Variants in NOS1AP observed in about 807,000 individuals in gnomAD.
NOS1AP encodes carboxyl-terminal PDZ ligand of neuronal nitric oxide synthase protein.
NOS1AP carries 21 observed loss-of-function variants against 56.2 expected under a neutral mutation model. The observed-to-expected ratio is 0.37, with a 90% CI of 0.26 to 0.54. NOS1AP has a LOEUF of 0.54. NOS1AP is among the 20% of genes least tolerant of loss of function. The pLI is 0.84. For synonymous variants in NOS1AP, 270 were observed against 274.6 expected, an observed-to-expected ratio of 0.98 and a Z score of 0.17; for missense variants, 522 against 657.8, an observed-to-expected ratio of 0.79 and a Z score of 2.26.
chr1:162,132,643 A>C (rs1185597485), intron 1 of NOS1AP, among the ~76,000 whole-genome samples: 1 of 152,258 alleles, frequency 6.6e-6, no homozygotes, highest in African/African-American at 2.4e-5. Flanking sequence ...AGCAATATGG[A>C]AAGTAGTAGT....
intron 2 of NOS1AP, among the ~76,000 whole-genome samples, chr1:162,196,335 C>G (rs193172262): frequency 2.0e-5 from 3 of 152,304 alleles, no homozygotes; most frequent in Admixed American, 2.0e-4. Context: ...GTCTTCATTT[C>G]TTTGCTAGTT....
intron 2 of NOS1AP, among the ~76,000 whole-genome samples, chr1:162,185,958 G>A (rs1651419020): frequency 6.6e-6 from 1 of 152,130 alleles, no homozygotes; most frequent in South Asian, 2.1e-4. Context: ...TCCTAGAAGG[G>A]GCTAAGCCTG....
intron 4 of NOS1AP, among the ~76,000 whole-genome samples, chr1:162,329,000 G>A (rs944763054): frequency 7.2e-6 from 1 of 139,108 alleles, no homozygotes; most frequent in Non-Finnish European, 1.5e-5. Flanking sequence ...AGTTTGAGAA[G>A]GGGGGTATTG....
chr1:162,231,399 A>G (rs1027163106), intron 2 of NOS1AP, among the ~76,000 whole-genome samples: 1 of 152,142 alleles, frequency 6.6e-6, no homozygotes. Flanking sequence ...TATCAGATAC[A>G]TGATTTGGAA....
At chr1:162,282,680 G>A (rs1654967744) in intron 2 of NOS1AP, among the ~76,000 whole-genome samples, 1 of 152,192 alleles carries the variant, frequency 6.6e-6, no homozygotes, top group Non-Finnish European at 1.5e-5. Context: ...CGAGACTATA[G>A]ACAGAATATG....
chr1:162,289,290 C>T (rs1655206565), intron 3 of NOS1AP, among the ~76,000 whole-genome samples: 2 of 118,902 alleles, frequency 1.7e-5, no homozygotes, highest in South Asian at 2.8e-4. Flanking sequence ...TCCTTCCTTC[C>T]TTCTTCCTTC....
intron 2 of NOS1AP, among the ~76,000 whole-genome samples, chr1:162,179,131 G>A (rs1028735609): frequency 1.3e-5 from 2 of 152,006 alleles, no homozygotes; most frequent in African/African-American, 4.8e-5. Context: ...CTACCATTGT[G>A]TATCTCGTAG....
intron 2 of NOS1AP, among the ~76,000 whole-genome samples, chr1:162,158,441 C>A (rs144974259): frequency 2.4e-4 from 36 of 152,248 alleles, no homozygotes; most frequent in African/African-American, 7.7e-4. Flanking sequence ...GTGAATAGTG[C>A]TGCAATGAAC....
At chr1:162,140,304 C>G (rs1043919664) in intron 1 of NOS1AP, among the ~76,000 whole-genome samples, 12 of 152,098 alleles carry the variant, frequency 7.9e-5, no homozygotes, top group African/African-American at 2.7e-4. Flanking sequence ...TGGTCAATCT[C>G]TATATATATT....
At chr1:162,236,993 A>G (rs1653313113) in intron 2 of NOS1AP, among the ~76,000 whole-genome samples, 1 of 152,222 alleles carries the variant, frequency 6.6e-6, no homozygotes, top group African/African-American at 2.4e-5. Context: ...TGGAAACACA[A>G]TACGTGTATG....
chr1:162,070,039 G>A lies in NOS1AP; in HGVS notation c.-139G>A. The A allele has an allele frequency of 3.8e-6, 2 of 521,212 alleles. No individual in the cohort carries two copies. Among genetic ancestry groups the A allele is most frequent in the Non-Finnish European group, 6.5e-6 (2 of 309,042 alleles). The allele number at this position is 521,212 out of a possible 1,614,324, so 32.3% of individuals were successfully genotyped here. On this transcript the variant is annotated 5_prime_UTR_variant, in exon 1 of 10. Transcript: ENST00000361897. Reference sequence around the variant, plus strand: ...ACCGCTCCGGGTCCGGCCGCCGCGCGGCCAGGGCTCCCCCTGCCCAGCGCT... The same window carrying A: ...ACCGCTCCGGGTCCGGCCGCCGCGCAGCCAGGGCTCCCCCTGCCCAGCGCT...
chr1:162,186,874 T>A (rs1007270260), intron 2 of NOS1AP, among the ~76,000 whole-genome samples: 1 of 152,214 alleles, frequency 6.6e-6, no homozygotes, highest in African/African-American at 2.4e-5. Flanking sequence ...ATTTTCAGAT[T>A]GTAATTGTTG....
At chr1:162,106,673 A>C (rs1216592593) in intron 1 of NOS1AP, among the ~76,000 whole-genome samples, 1 of 152,276 alleles carries the variant, frequency 6.6e-6, no homozygotes, top group Non-Finnish European at 1.5e-5. Flanking sequence ...AGAGTAATGT[A>C]GATTACATCC....
At chr1:162,160,531 G>A (rs1305847434) in intron 2 of NOS1AP, among the ~76,000 whole-genome samples, 1 of 152,186 alleles carries the variant, frequency 6.6e-6, no homozygotes, top group East Asian at 1.9e-4. Flanking sequence ...CTGCACTTGT[G>A]TTTCCTTACC....
At chr1:162,089,960 ACT>A (rs1431147949) in intron 1 of NOS1AP, among the ~76,000 whole-genome samples, 8 of 152,196 alleles carry the variant, frequency 5.3e-5, no homozygotes, top group Admixed American at 2.0e-4. Context: ...GCCCTAGTTA[ACT>A]AATACAATCA....
intron 1 of NOS1AP, among the ~76,000 whole-genome samples, chr1:162,093,805 G>T (rs563477549): frequency 6.6e-6 from 1 of 152,162 alleles, no homozygotes; most frequent in East Asian, 1.9e-4. Context: ...CTCCCACTTT[G>T]GCCTCCCAAA....
intron 2 of NOS1AP, among the ~76,000 whole-genome samples, chr1:162,195,861 A>G (rs1386896821): frequency 6.6e-6 from 1 of 152,200 alleles, no homozygotes; most frequent in African/African-American, 2.4e-5. Flanking sequence ...ATTTCCAACC[A>G]GACTGTCAGC....
chr1:162,365,321 C>A (rs751200715), intron 8 of NOS1AP, 83 bp from the exon 9 acceptor site: 3 of 1,603,620 alleles, frequency 1.9e-6, no homozygotes, highest in Admixed American at 1.7e-5. Context: ...CTGGTCCCGG[C>A]CATCTGCCAG....
chr1:162,338,781 C>T (rs953101836), intron 5 of NOS1AP: 2 of 152,128 alleles, frequency 1.3e-5, no homozygotes, highest in African/African-American at 4.8e-5. Context: ...AGGAATCAAC[C>T]TTTTGATTTA....
Sources: allele counts gnomAD v4.1 joint callset (sites outside exome capture counted in the v4.1 genomes callset), GRCh38; gene constraint gnomAD v4.1.1; transcripts MANE v1.5; gene names NCBI Gene and HGNC (gene_info 2026-07-23, HGNC 2026-07-21).